KCNH8: variants seen among roughly 807,000 people sequenced by gnomAD.
KCNH8 encodes the protein potassium voltage-gated channel subfamily H member 8, also known as voltage-gated delayed rectifier potassium channel KCNH8.
KCNH8 carries 70 observed loss-of-function variants against 103.6 expected under a neutral mutation model. The ratio of observed to expected loss-of-function variants is 0.68; its 90% CI spans 0.56 to 0.82. The LOEUF is 0.82. Ranked by LOEUF, KCNH8 falls within the 40% of genes least tolerant of loss-of-function variation. KCNH8 has a pLI of 0.00. For synonymous variants in KCNH8, 498 were observed against 489.4 expected, an observed-to-expected ratio of 1.02 and a Z score of -0.23; for missense variants, 1,217 against 1,329.9, an observed-to-expected ratio of 0.92 and a Z score of 1.32.
At chr3:19,171,789 C>T (rs140578813) in intron 1 of KCNH8, among the ~76,000 whole-genome samples, 5 of 152,202 alleles carry the variant, frequency 3.3e-5, no homozygotes, top group East Asian at 3.9e-4. Flanking sequence ...CCTGGGTTGA[C>T]GATATAAAGT....
rs869048680 is a variant in KCNH8 at position 19,466,649 on chromosome 3, A to ATT, written c.2040+9698_2040+9699dup. ...GATTGTTAACATTTTGTAGCAATACATTTTTTTTTTTTTTTTTTTTTTTTT... is the reference window on the plus strand; with the variant it reads ...GATTGTTAACATTTTGTAGCAATACATTTTTTTTTTTTTTTTTTTTTTTTTTT... On this transcript the variant is annotated intron_variant, in intron 11 of 15. Transcript: ENST00000328405. Among the ~76,000 whole-genome samples the ATT allele has an allele frequency of 5.0e-3, 252 of 50,642 alleles. 15 individuals carry two copies. Among genetic ancestry groups the ATT allele is most frequent in the Middle Eastern group, 0.019 (1 of 54 alleles). 33.2% of individuals were successfully genotyped at this position (50,642 alleles called of 152,430 possible).
chr3:19,534,134 C>G lies in KCNH8; in HGVS notation c.*35C>G. The G allele has an allele frequency of 6.7e-7, 1 of 1,484,890 alleles. No homozygotes were observed. The highest frequency in any genetic ancestry group is 9.3e-7 in the Non-Finnish European group (1 of 1,073,390). 92.0% of individuals were successfully genotyped at this position (1,484,890 alleles called of 1,614,324 possible). A position where few individuals can be genotyped will look rare whatever the true frequency, so the allele number is the denominator to read the frequency against. ...CCATGATGCAGCAGCTAATTTCAAA[C>G]CTACCACTGCATGACAGTTTTAGTT... is the stretch of plus-strand genomic sequence containing the variant. On this transcript the variant is annotated 3_prime_UTR_variant, in exon 16 of 16. Transcript: ENST00000328405.
chr3:19,331,537 C>T (rs949808878), intron 3 of KCNH8, among the ~76,000 whole-genome samples: 2 of 151,926 alleles, frequency 1.3e-5, no homozygotes, highest in South Asian at 2.1e-4. Flanking sequence ...ATGATCTGCC[C>T]GCCTCGGCCT....
chr3:19,173,932 G>A (rs1354468829), intron 1 of KCNH8, among the ~76,000 whole-genome samples: 1 of 150,840 alleles, frequency 6.6e-6, no homozygotes, highest in Non-Finnish European at 1.5e-5. Context: ...TCTCACAGGT[G>A]TCTTTATTGA....
chr3:19,488,660 C>T (rs974061002), intron 11 of KCNH8, among the ~76,000 whole-genome samples: 2 of 152,138 alleles, frequency 1.3e-5, no homozygotes, highest in African/African-American at 4.8e-5. Flanking sequence ...TTTCTTTAGA[C>T]CTTTTATCAA....
chr3:19,448,973 G>C (rs2067402839), intron 8 of KCNH8: 7 of 1,285,766 alleles, frequency 5.4e-6, no homozygotes, highest in African/African-American at 1.5e-5. Flanking sequence ...ATTATCTGCT[G>C]GTTTAGAAAC....
At chr3:19,482,270 G>A (rs941914904) in intron 11 of KCNH8, among the ~76,000 whole-genome samples, 2 of 152,326 alleles carry the variant, frequency 1.3e-5, no homozygotes, top group Admixed American at 6.5e-5. Context: ...GCCCCAGGGT[G>A]TGGCGCCGGG....
chr3:19,153,253 A>G (rs373609884), intron 1 of KCNH8, among the ~76,000 whole-genome samples: 4 of 152,252 alleles, frequency 2.6e-5, no homozygotes, highest in Admixed American at 2.0e-4. Flanking sequence ...AGTGATATAT[A>G]CAAATAATAA....
intron 2 of KCNH8, among the ~76,000 whole-genome samples, chr3:19,274,449 C>T (rs969154875): frequency 6.6e-6 from 1 of 152,094 alleles, no homozygotes; most frequent in East Asian, 1.9e-4. Context: ...ATAAAACTAT[C>T]GCTGCTGAAT....
intron 1 of KCNH8, among the ~76,000 whole-genome samples, chr3:19,173,197 G>C (rs528489974): frequency 3.3e-5 from 5 of 152,070 alleles, no homozygotes; most frequent in African/African-American, 1.2e-4. Context: ...ATGCCATGCT[G>C]TATTTCTTAT....
rs548895070 is a variant in KCNH8 at position 19,210,881 on chromosome 3, G to A, written c.77-42773G>A. On this transcript the variant is annotated intron_variant, in intron 1 of 15. Transcript: ENST00000328405. ...ACCCTGAAAGTATGATGAGCTTTTTGCATTAGTGCTGACAGCTTCCTTCTT... is the reference window on the plus strand; with the variant it reads ...ACCCTGAAAGTATGATGAGCTTTTTACATTAGTGCTGACAGCTTCCTTCTT... 1.6e-3 allele frequency among the ~76,000 whole-genome samples: 241 copies of A among 152,220 alleles called. 1 individual carries two copies. The highest frequency in any genetic ancestry group is 2.7e-3 in the South Asian group (13 of 4,824).
chr3:19,452,510 C>T (rs1024611731), intron 10 of KCNH8, among the ~76,000 whole-genome samples: 36 of 152,176 alleles, frequency 2.4e-4, no homozygotes, highest in African/African-American at 8.2e-4. Context: ...AAAATCCTTG[C>T]CTGCATGAAA....
intron 3 of KCNH8, among the ~76,000 whole-genome samples, chr3:19,305,436 A>C (rs184467593): frequency 6.6e-6 from 1 of 152,136 alleles, no homozygotes; most frequent in Admixed American, 6.6e-5. Flanking sequence ...TCAAGACAGT[A>C]CTATATGGTA....
chr3:19,242,534 A>G (rs2064155401), intron 1 of KCNH8, among the ~76,000 whole-genome samples: 1 of 152,224 alleles, frequency 6.6e-6, no homozygotes, highest in African/African-American at 2.4e-5. Context: ...CCATAAGATC[A>G]AAGGGGTTAT....
intron 15 of KCNH8, among the ~76,000 whole-genome samples, chr3:19,525,746 T>C (rs2069052879): frequency 6.6e-6 from 1 of 151,938 alleles, no homozygotes; most frequent in Non-Finnish European, 1.5e-5. Context: ...CCTGCAAAAG[T>C]AAAACCCTGG....
chr3:19,521,557 C>G (rs557931870), intron 15 of KCNH8, among the ~76,000 whole-genome samples: 4 of 151,878 alleles, frequency 2.6e-5, no homozygotes, highest in Admixed American at 2.6e-4. Flanking sequence ...CCTAACAGTG[C>G]CCAGTAGAGT....
At chr3:19,442,307 T>C (rs920658711) in intron 8 of KCNH8, among the ~76,000 whole-genome samples, 1 of 152,218 alleles carries the variant, frequency 6.6e-6, no homozygotes, top group African/African-American at 2.4e-5. Flanking sequence ...TATACTTATT[T>C]AATACTTGCC....
intron 2 of KCNH8, among the ~76,000 whole-genome samples, chr3:19,264,812 A>T (rs7639589): frequency 0.091 from 13,809 of 152,028 alleles, 2,019 homozygotes; most frequent in African/African-American, 0.31. Flanking sequence ...CCCTTTGAGG[A>T]ATATCCTATT....
At chr3:19,305,050 C>T (rs1485640888) in intron 3 of KCNH8, among the ~76,000 whole-genome samples, 1 of 151,454 alleles carries the variant, frequency 6.6e-6, no homozygotes, top group African/African-American at 2.4e-5. Context: ...CAGACTTAAG[C>T]ATCATGACAC....
Sources: gnomAD v4.1 joint callset for allele counts (sites outside exome capture counted in the v4.1 genomes callset) on GRCh38, gnomAD v4.1.1 for gene constraint, MANE v1.5 for transcripts, NCBI Gene and HGNC (gene_info 2026-07-23, HGNC 2026-07-21) for gene names.